UACA: variants seen among roughly 807,000 people sequenced by gnomAD.
UACA encodes the protein nuclear membrane binding protein.
A neutral mutation model predicts 160.5 loss-of-function variants in UACA; 112 were observed. That is an observed-to-expected ratio of 0.70 (90% confidence interval 0.60 to 0.82). The LOEUF (loss-of-function observed/expected upper bound fraction) is 0.82. UACA is among the 40% of genes least tolerant of loss of function. The pLI, the probability that UACA is intolerant of heterozygous loss-of-function variation, is 0.00. For missense variants in UACA, 1,574 were observed against 1,614.6 expected (o/e 0.97, Z 0.43); for synonymous variants, 557 against 568.4 (o/e 0.98, Z 0.29).
chr15:70,686,877 G>A (rs975074576), intron 7 of UACA, among the ~76,000 whole-genome samples: 1 of 152,200 alleles, frequency 6.6e-6, no homozygotes, highest in East Asian at 1.9e-4. Flanking sequence ...ATAAACTTCA[G>A]AATTGTAATA....
chr15:70,701,747 T>A (rs1898371309), intron 1 of UACA: 1 of 817,798 alleles, frequency 1.2e-6, no homozygotes, highest in African/African-American at 1.8e-5. Context: ...CCCAATCTGC[T>A]AATCAACTTA....
intron 5 of UACA, 111 bp downstream of exon 5, chr15:70,690,341 ATT>A (rs1339304998): frequency 1.0e-6 from 1 of 980,194 alleles, no homozygotes; most frequent in African/African-American, 1.7e-5. Flanking sequence ...GGTTTTTAAT[ATT>A]CTTTGTTTCT....
At chr15:70,671,808 A>C (rs1897148184) in intron 14 of UACA, 157 bp downstream of exon 14, 5 of 439,176 alleles carry the variant, frequency 1.1e-5, no homozygotes, top group Middle Eastern at 1.2e-3. Context: ...AAGTTACAAT[A>C]GTCATCTTAA....
intron 18 of UACA, among the ~76,000 whole-genome samples, chr15:70,658,184 T>A (rs975416496): frequency 6.6e-6 from 1 of 152,198 alleles, no homozygotes; most frequent in African/African-American, 2.4e-5. Context: ...TTGTAACTTG[T>A]TTTTTTATGT....
chr15:70,691,714 A>T (rs905202034), intron 3 of UACA, among the ~76,000 whole-genome samples: 1 of 152,168 alleles, frequency 6.6e-6, no homozygotes, highest in Admixed American at 6.5e-5. Flanking sequence ...CAATGAGGAA[A>T]GAAGAGAGAG....
chr15:70,689,981 T>C (rs1386899042), intron 5 of UACA, among the ~76,000 whole-genome samples: 4 of 152,216 alleles, frequency 2.6e-5, no homozygotes, highest in African/African-American at 7.2e-5. Context: ...GATTTGATTA[T>C]ACTTATTAAT....
intron 1 of UACA, among the ~76,000 whole-genome samples, chr15:70,705,326 C>A (rs995957028): frequency 1.3e-5 from 2 of 152,158 alleles, no homozygotes; most frequent in South Asian, 4.2e-4. Flanking sequence ...GTCAGGAGCT[C>A]GAGACCAGCC....
In UACA at chr15:70,668,119, C is replaced by T. The variant is rs1431162816; in HGVS notation, c.2565G>A (p.Met855Ile). Residue 855 changes from methionine (M) to isoleucine (I), a missense_variant, in exon 16 of 19, where the codon ATG becomes ATA. Transcript: ENST00000322954. Reference protein sequence around the residue: ...TSENTNLKKMMSNQYVPVKTH... With the variant: ...TSENTNLKKMISNQYVPVKTH... ...TTTTAACTGGCACATACTGATTACT[C>T]ATCATCTTCTTCAAGTTAGTGTTTT... 6.2e-7 allele frequency: 1 copy of T among 1,613,650 alleles called. No individual in the cohort carries two copies.
chr15:70,682,751 T>C lies in UACA; in HGVS notation c.822+7A>G, dbSNP rs778510825. The stretch of plus-strand genomic sequence containing the variant: ...TATAATTATTTAAAATTAAAATTAA[T>C]ATCTACCTGTTGCAAAGATGGCCCT... On this transcript the variant is annotated splice_region_variant and intron_variant, in intron 9 of 18. Transcript: ENST00000322954. 15 of 1,533,862 alleles carry C rather than the reference T, an allele frequency of 9.8e-6. 2 individuals carry two copies. The Middle Eastern group carries it at 1.2e-3, about 125-fold the overall frequency.
intron 1 of UACA, among the ~76,000 whole-genome samples, chr15:70,719,364 C>T (rs1275608187): frequency 6.6e-6 from 1 of 152,186 alleles, no homozygotes; most frequent in Non-Finnish European, 1.5e-5. Flanking sequence ...ATTAATGCTG[C>T]CCCCAGTAAA....
At chr15:70,766,901 C>T (rs2031021437), upstream of UACA, among the ~76,000 whole-genome samples, 1 of 152,108 alleles carries the variant, frequency 6.6e-6, no homozygotes, top group African/African-American at 2.4e-5. Flanking sequence ...ATGATGATAA[C>T]GGCAAAAACG....
At chr15:70,675,316 T>C (rs995962484) in intron 13 of UACA, among the ~76,000 whole-genome samples, 4 of 152,222 alleles carry the variant, frequency 2.6e-5, no homozygotes, top group African/African-American at 4.8e-5. Flanking sequence ...GTGAAGAAGA[T>C]AGAAGCCACT....
At position 70,763,334 on chromosome 15, in the gene UACA, C is replaced by T. The variant is rs1194651739; in HGVS notation, c.74G>A (p.Ser25Asn). Residue 25 changes from serine (S) to asparagine (N), a missense_variant, in exon 1 of 19, where the codon AGC (serine) becomes AAC (asparagine). Coordinates refer to ENST00000322954, the MANE Select transcript of UACA (RefSeq NM_018003.4). Reference protein sequence around the residue: ...GPASSGAAAASAHAADWNKYD... With the variant: ...GPASSGAAAANAHAADWNKYD... ...AGCCCGGACCGCGGGACTCACCGCG[C>T]TGGCGGCGGCGGCGCCAGACGACGC... The T allele has an allele frequency of 1.5e-6, 2 of 1,334,024 alleles. No homozygotes were observed. The highest frequency in any genetic ancestry group is 3.1e-5 in the East Asian group (1 of 32,068). The allele number at this position is 1,334,024 out of a possible 1,614,324, so 82.6% of individuals were successfully genotyped here.
At chr15:70,696,504 C>T (rs534398025) in intron 2 of UACA, among the ~76,000 whole-genome samples, 6 of 152,224 alleles carry the variant, frequency 3.9e-5, no homozygotes, top group East Asian at 1.9e-4. Context: ...AGTCTTGCGA[C>T]GCTATTAGTA....
In UACA at chr15:70,657,101, C is replaced by G. The variant is rs978196574; in HGVS notation, c.4206G>C (p.Glu1402Asp). The change falls in exon 19 of 19, where the codon GAG becomes GAC. Residue 1402 changes from glutamate to aspartate, a missense_variant. Physicochemically the swap from Glu to Asp is conservative, Grantham distance 45. Transcript: ENST00000322954. Reference protein sequence around the residue: ...AQGHMDEDVQEALLQIIQMRQ... With the variant: ...AQGHMDEDVQDALLQIIQMRQ... ...GCATTTGTATGATCTGGAGCAGAGC[C>G]TCCTGAACATCTTCATCCATGTGAC... 6 of 1,614,016 alleles carry G rather than the reference C, an allele frequency of 3.7e-6. No individual in the cohort carries two copies. Among genetic ancestry groups the G allele is most frequent in the Middle Eastern group, 1.6e-4 (1 of 6,082 alleles).
chr15:70,676,869 C>T (rs62016911), intron 12 of UACA, among the ~76,000 whole-genome samples: 1,898 of 152,162 alleles, frequency 0.012, 14 homozygotes, highest in Non-Finnish European at 0.02. Context: ...ATATTATTTT[C>T]AGGACAAGTT....
intron 1 of UACA, among the ~76,000 whole-genome samples, chr15:70,714,362 G>C (rs144070088): frequency 1.3e-5 from 2 of 152,270 alleles, no homozygotes; most frequent in African/African-American, 4.8e-5. Flanking sequence ...TGTACAGCCA[G>C]CTTCTTTCTC....
rs187398993 is a variant in UACA, at chr15:70,699,681, A to C, written c.79-21T>G. On this transcript the variant is annotated intron_variant, in intron 1 of 18. Coordinates refer to ENST00000322954, the MANE Select transcript of UACA (RefSeq NM_018003.4). Reference sequence around the variant, plus strand: ...GCATGCTACAAAAAGGAAAAAAAAAAGTAAATATGGCATACTACATTAGTT... The same window carrying C: ...GCATGCTACAAAAAGGAAAAAAAAACGTAAATATGGCATACTACATTAGTT... 6,489 of 1,608,726 alleles carry C rather than the reference A, an allele frequency of 4.0e-3. 20 individuals carry two copies. Among genetic ancestry groups the C allele is most frequent in the Non-Finnish European group, 5.0e-3 (5,911 of 1,178,342 alleles).
rs759845763 is a variant in UACA, at chr15:70,667,462, GTCTT to G, written c.3218_3221del (p.Lys1073ThrfsTer9). The G allele has an allele frequency of 1.2e-6, 2 of 1,609,828 alleles. No homozygotes were observed. On this transcript the variant is annotated frameshift_variant, in exon 16 of 19. Transcript: ENST00000322954. LOFTEE classifies it high-confidence loss of function. The stretch of plus-strand genomic sequence containing the variant: ...TTACTTCCGTGTATTTCTGTGACAA[GTCTT>G]TTAACTGTTTGTTTAGCTCGTCTGT...
Sources: gnomAD v4.1 joint callset for allele counts (sites outside exome capture counted in the v4.1 genomes callset) on GRCh38, gnomAD v4.1.1 for gene constraint, MANE v1.5 for transcripts, NCBI Gene and HGNC (gene_info 2026-07-23, HGNC 2026-07-21) for gene names.